Variants in ZBTB16 observed in about 807,000 individuals in gnomAD.
ZBTB16 encodes the protein zinc finger and BTB domain containing 16.
In ZBTB16, 8 loss-of-function variants were observed where a neutral mutation model predicts 56.8. The ratio of observed to expected loss-of-function variants is 0.14; its 90% CI spans 0.08 to 0.25. The LOEUF is 0.25. ZBTB16 is among the 10% of genes least tolerant of loss of function. The probability of loss-of-function intolerance (pLI) is 1.00; values close to 1 mark genes in which losing one functional copy is unlikely to be tolerated. For synonymous variants in ZBTB16, 363 were observed against 368.5 expected (o/e 0.98, Z 0.17); for missense variants, 625 against 903.0 (o/e 0.69, Z 3.95).
At chr11:114,065,941 G>C (rs1232070954) in intron 2 of ZBTB16, among the ~76,000 whole-genome samples, 1 of 152,200 alleles carries the variant, frequency 6.6e-6, no homozygotes, top group East Asian at 1.9e-4. Context: ...GGGGGGATAA[G>C]TAGCGAGTTT....
chr11:114,064,745 A>G lies in ZBTB16; in HGVS notation c.1268+177A>G, dbSNP rs965919394. ...GAGGGGAGCAGGTTTTTTAAAGTGT[A>G]GTGAGGGGGCCTAGGATCTTTCCAA... On this transcript the variant is annotated intron_variant, in intron 2 of 6. Coordinates refer to ENST00000335953, the MANE Select transcript of ZBTB16 (RefSeq NM_006006.6). The surrounding 1 kb of genome is among the most constrained non-coding windows in gnomAD (Gnocchi z 4.2). 6.6e-6 allele frequency among the ~76,000 whole-genome samples: 1 copy of G among 152,152 alleles called. No homozygotes were observed. The highest frequency in any genetic ancestry group is 1.5e-5 in the Non-Finnish European group (1 of 68,020).
At chr11:114,191,796 G>A (rs954653467) in intron 4 of ZBTB16, among the ~76,000 whole-genome samples, 9 of 152,070 alleles carry the variant, frequency 5.9e-5, no homozygotes, top group South Asian at 2.1e-4. Context: ...ACACACACAC[G>A]CATACGTAGC....
In ZBTB16 at chr11:114,062,172, C is replaced by T. The variant is rs563978511; in HGVS notation, c.-90-1039C>T. 3.3e-5 allele frequency among the ~76,000 whole-genome samples: 5 copies of T among 151,404 alleles called. No homozygotes were observed. The East Asian group carries it at 9.8e-4, about 30-fold the overall frequency. Reference sequence around the variant, plus strand: ...AGGCTGGAGTGCAGTGGCACAATCTCGGCTCACGGCAACCTCCGCCTCCCG... The same window carrying T: ...AGGCTGGAGTGCAGTGGCACAATCTTGGCTCACGGCAACCTCCGCCTCCCG... On this transcript the variant is annotated intron_variant, in intron 1 of 6. Transcript: ENST00000335953.
At chr11:114,178,023 A>G (rs1159982991) in intron 3 of ZBTB16, among the ~76,000 whole-genome samples, 2 of 152,216 alleles carry the variant, frequency 1.3e-5, no homozygotes, top group Non-Finnish European at 2.9e-5. Context: ...GTAGGAGGGT[A>G]ATAATACCAT....
At position 114,161,246 on chromosome 11, in the gene ZBTB16, A is replaced by G. The variant is rs142206378; in HGVS notation, c.1366+4812A>G. ...ACGTCCTGGTGGCTTATAAGTGAGC[A>G]TGCCTAGAACTGCTTGTCCCTATTT... On this transcript the variant is annotated intron_variant, in intron 3 of 6. Transcript: ENST00000335953. 5.2e-3 allele frequency among the ~76,000 whole-genome samples: 785 copies of G among 152,200 alleles called. 5 individuals carry two copies. The highest frequency in any genetic ancestry group is 0.017 in the African/African-American group (704 of 41,522).
intron 4 of ZBTB16, among the ~76,000 whole-genome samples, chr11:114,198,769 C>T (rs1481759005): frequency 6.6e-6 from 1 of 152,194 alleles, no homozygotes; most frequent in Non-Finnish European, 1.5e-5. Context: ...ACCCAGGGCC[C>T]ACAGTTCACA....
intron 5 of ZBTB16, 77 bp downstream of exon 5, chr11:114,242,414 G>A: frequency 6.4e-7 from 1 of 1,567,832 alleles, no homozygotes. Flanking sequence ...GACGTAAAGT[G>A]GAGGTGGTGG....
chr11:114,229,542 C>CCACCG (rs1224974723), intron 4 of ZBTB16, among the ~76,000 whole-genome samples: 26 of 152,336 alleles, frequency 1.7e-4, no homozygotes, highest in African/African-American at 6.3e-4. Context: ...CTCTCACCCT[C>CCACCG]TACCTGGTAG....
chr11:114,165,975 T>C (rs1942741432), intron 3 of ZBTB16, among the ~76,000 whole-genome samples: 1 of 151,448 alleles, frequency 6.6e-6, no homozygotes, highest in Non-Finnish European at 1.5e-5. Flanking sequence ...CTCAGTGAGG[T>C]TGCTTGGTAG....
intron 6 of ZBTB16, among the ~76,000 whole-genome samples, 162 bp downstream of exon 6, chr11:114,247,527 AC>A (rs5794907): frequency 0.37 from 56,151 of 151,952 alleles, 10,831 homozygotes; most frequent in East Asian, 0.49. Context: ...GGACCACCAC[AC>A]CCCAGTCAAG....
rs1941100298 is a variant in ZBTB16, at chr11:114,114,062, G to A, written c.1269-42275G>A. Among the ~76,000 whole-genome samples the A allele has an allele frequency of 3.3e-5, 5 of 152,180 alleles. No individual in the cohort carries two copies. The South Asian group carries it at 6.2e-4, about 19-fold the overall frequency. ...CCCATGGCTGTCTTAGAACCTTCAG[G>A]TGATTCAGTAGAAATAGTGCTGTTT... On this transcript the variant is annotated intron_variant, in intron 2 of 6. Transcript: ENST00000335953.
At position 114,128,605 on chromosome 11, in the gene ZBTB16, G is replaced by A. The variant is rs2137820850; in HGVS notation, c.1269-27732G>A. The stretch of plus-strand genomic sequence containing the variant: ...CCAATAAAACCCTTATTAGCACCTG[G>A]CACACAGTAAGCACTTCATGAGGGT... On this transcript the variant is annotated intron_variant, in intron 2 of 6. Transcript: ENST00000335953. 1.3e-5 allele frequency among the ~76,000 whole-genome samples: 2 copies of A among 152,330 alleles called. 1 individual carries two copies. The highest frequency in any genetic ancestry group is 6.8e-3 in the Middle Eastern group (2 of 294).
chr11:114,159,673 C>T (rs1006163986), intron 3 of ZBTB16, among the ~76,000 whole-genome samples: 1 of 152,036 alleles, frequency 6.6e-6, no homozygotes, highest in African/African-American at 2.4e-5. Context: ...GGGCTGGTGG[C>T]GCTGGGTCTT....
rs536218282 is a variant in ZBTB16 at position 114,074,153 on chromosome 11, C to T, written c.1268+9585C>T. Among the ~76,000 whole-genome samples the T allele has an allele frequency of 1.1e-4, 17 of 152,328 alleles. No homozygotes were observed. The East Asian group carries it at 2.1e-3, about 19-fold the overall frequency. On this transcript the variant is annotated intron_variant, in intron 2 of 6. Transcript: ENST00000335953. ...AAGCACACAGAGTGTGAGGCCACCT[C>T]CCTACTTCCTGCTTCTCTCATGACC...
At chr11:114,074,288 G>A (rs1939458073) in intron 2 of ZBTB16, among the ~76,000 whole-genome samples, 1 of 152,188 alleles carries the variant, frequency 6.6e-6, no homozygotes, top group Admixed American at 6.5e-5. Context: ...TGTTGGCACG[G>A]CTCTCCTTGC....
chr11:114,132,225 A>G (rs986844642), intron 2 of ZBTB16, among the ~76,000 whole-genome samples: 5 of 152,134 alleles, frequency 3.3e-5, no homozygotes, highest in African/African-American at 7.2e-5. Context: ...GTGAATGCAT[A>G]TGAGTAGTTA....
intron 2 of ZBTB16, among the ~76,000 whole-genome samples, chr11:114,090,217 T>C (rs969442957): frequency 1.3e-5 from 2 of 152,188 alleles, no homozygotes; most frequent in Admixed American, 1.3e-4. Flanking sequence ...TGTGGATGGT[T>C]AGGGGAGGGG....
chr11:114,205,358 C>G (rs969914014), intron 4 of ZBTB16, among the ~76,000 whole-genome samples: 1 of 150,720 alleles, frequency 6.6e-6, no homozygotes. Flanking sequence ...TGCAGTGAGC[C>G]GAGATCGCGC....
chr11:114,065,881 A>G (rs945302174), intron 2 of ZBTB16, among the ~76,000 whole-genome samples: 2 of 152,134 alleles, frequency 1.3e-5, no homozygotes, highest in African/African-American at 4.8e-5. Flanking sequence ...GATCATGTCT[A>G]TGGAACAGAG....
Sources: gnomAD v4.1 joint callset for allele counts (sites outside exome capture counted in the v4.1 genomes callset) on GRCh38, gnomAD v4.1.1 for gene constraint, Gnocchi (gnomAD v3.1) non-coding constraint, MANE v1.5 for transcripts, NCBI Gene and HGNC (gene_info 2026-07-23, HGNC 2026-07-21) for gene names.